Variants in HS6ST1 observed in about 807,000 individuals in gnomAD.
HS6ST1 encodes heparan sulfate 6-O-sulfotransferase 1.
HS6ST1 carries 3 observed loss-of-function variants against 25.2 expected under a neutral mutation model. The ratio of observed to expected loss-of-function variants is 0.12; its 90% CI spans 0.05 to 0.31. HS6ST1 has a LOEUF of 0.31. Ranked by LOEUF, HS6ST1 falls within the 10% of genes least tolerant of loss-of-function variation. The pLI, the probability that HS6ST1 is intolerant of heterozygous loss-of-function variation, is 1.00. For synonymous variants in HS6ST1, 204 were observed against 275.1 expected, an observed-to-expected ratio of 0.74 and a Z score of 2.56; for missense variants, 310 against 609.6, an observed-to-expected ratio of 0.51 and a Z score of 5.18.
intron 1 of HS6ST1, among the ~76,000 whole-genome samples, chr2:128,313,061 T>A (rs1256024478): frequency 6.6e-6 from 1 of 150,974 alleles, no homozygotes; most frequent in Non-Finnish European, 1.5e-5. Flanking sequence ...TGAGACTCCA[T>A]CTCAAAAAAA....
intron 1 of HS6ST1, among the ~76,000 whole-genome samples, chr2:128,288,153 C>G (rs1228315335): frequency 6.6e-6 from 1 of 152,184 alleles, no homozygotes; most frequent in Non-Finnish European, 1.5e-5. Flanking sequence ...CTCTGGGGCT[C>G]ACTCCTTCTG....
chr2:128,287,935 C>T (rs914503215), intron 1 of HS6ST1, among the ~76,000 whole-genome samples: 1 of 152,260 alleles, frequency 6.6e-6, no homozygotes, highest in African/African-American at 2.4e-5. Flanking sequence ...ACCTGCCTGC[C>T]TGGCACTTTC....
At chr2:128,304,316 G>A (rs1694175744) in intron 1 of HS6ST1, among the ~76,000 whole-genome samples, 1 of 152,206 alleles carries the variant, frequency 6.6e-6, no homozygotes, top group Non-Finnish European at 1.5e-5. Flanking sequence ...TCGTCCTCTT[G>A]AAGTGTGTCC....
intron 1 of HS6ST1, among the ~76,000 whole-genome samples, chr2:128,286,331 C>G (rs1417249711): frequency 6.6e-6 from 1 of 152,218 alleles, no homozygotes; most frequent in Admixed American, 6.5e-5. Flanking sequence ...TCCTGCAGGG[C>G]CAGGAACATA....
chr2:128,294,791 A>G (rs1180448262), intron 1 of HS6ST1, among the ~76,000 whole-genome samples: 1 of 151,698 alleles, frequency 6.6e-6, no homozygotes, highest in Non-Finnish European at 1.5e-5. Flanking sequence ...GTGGCCCACA[A>G]GGTACAGGGG....
chr2:128,277,709 T>C (rs909183238), intron 1 of HS6ST1, among the ~76,000 whole-genome samples: 4 of 152,184 alleles, frequency 2.6e-5, no homozygotes, highest in Non-Finnish European at 5.9e-5. Context: ...GTTCACTCTA[T>C]AGGAAAACGA....
chr2:128,268,376 T>C lies in HS6ST1; in HGVS notation c.1022A>G (p.Asn341Ser). The change falls in exon 2 of 2, where the codon AAC becomes AGC. Residue 341 changes from asparagine (N) to serine (S), a missense_variant. Physicochemically the swap from Asn to Ser is conservative, Grantham distance 46 (BLOSUM62 1). Transcript: ENST00000259241. ...EDTIRRIEEL[N>S]DLDMQLYDYA... Reference sequence around the variant, plus strand: ...GTCGTACAGCTGCATGTCCAGGTCGTTGAGCTCCTCGATGCGCCGGATGGT... The same window carrying C: ...GTCGTACAGCTGCATGTCCAGGTCGCTGAGCTCCTCGATGCGCCGGATGGT... The C allele has an allele frequency of 1.2e-6, 2 of 1,613,700 alleles. No individual in the cohort carries two copies. Among genetic ancestry groups the C allele is most frequent in the Non-Finnish European group, 1.7e-6 (2 of 1,179,870 alleles).
intron 1 of HS6ST1, among the ~76,000 whole-genome samples, chr2:128,291,276 C>T (rs923523871): frequency 1.8e-4 from 28 of 152,254 alleles, no homozygotes; most frequent in African/African-American, 6.0e-4. Flanking sequence ...CTCAGACAGC[C>T]GGAGTCCCGG....
intron 1 of HS6ST1, among the ~76,000 whole-genome samples, chr2:128,307,964 C>G (rs1313183142): frequency 6.6e-6 from 1 of 152,194 alleles, no homozygotes; most frequent in Non-Finnish European, 1.5e-5. Context: ...GTCCAGCAGT[C>G]AATGAATTAA....
Position 128,268,485 on chromosome 2 carries a change from C to T in HS6ST1, c.913G>A (p.Glu305Lys). The part of the protein sequence containing the change: ...EFQRKTQYLF[E>K]RTFNLKFIRP... ...ATGAACTTGAGGTTGAACGTCCGCT[C>T]GAACAGGTACTGCGTCTTGCGCTGG... The change falls in exon 2 of 2, where the codon GAG (glutamate) becomes AAG (lysine). Residue 305 changes from glutamate to lysine, a missense_variant. Glu to Lys is a moderately conservative substitution (Grantham distance 56, BLOSUM62 1). Around this residue, in one of 5 missense-constraint regions of HS6ST1, gnomAD observed 140 missense variants for 176.5 expected, o/e 0.79. Transcript: ENST00000259241. 1.2e-6 allele frequency: 2 copies of T among 1,612,826 alleles called. No homozygotes were observed. Among genetic ancestry groups the T allele is most frequent in the South Asian group, 1.1e-5 (1 of 90,986 alleles).
chr2:128,284,112 G>A (rs1029533333), intron 1 of HS6ST1, among the ~76,000 whole-genome samples: 3 of 151,850 alleles, frequency 2.0e-5, no homozygotes, highest in African/African-American at 7.3e-5. Flanking sequence ...TGCCGGCCCT[G>A]TTCCCGGGGG....
intron 1 of HS6ST1, among the ~76,000 whole-genome samples, chr2:128,303,412 A>T (rs143599956): frequency 6.6e-6 from 1 of 152,366 alleles, no homozygotes; most frequent in African/African-American, 2.4e-5. Flanking sequence ...GCTTGAGAAC[A>T]AGTTCTAGAA....
rs1693532794 is a variant in HS6ST1, at chr2:128,267,218, C to T, written c.*944G>A. The T allele has an allele frequency of 6.6e-6, 1 of 152,108 alleles. No individual in the cohort carries two copies. The highest frequency in any genetic ancestry group is 6.5e-5 in the Admixed American group (1 of 15,280). The allele number at this position is 152,108 out of a possible 1,614,324, so 9.4% of individuals were successfully genotyped here. Reference sequence around the variant, plus strand: ...TTGAGTATGTGTTTCGGTGATGGGGCTGGGGCAGCCTGCTAGCAAATCCCA... The same window carrying T: ...TTGAGTATGTGTTTCGGTGATGGGGTTGGGGCAGCCTGCTAGCAAATCCCA... On this transcript the variant is annotated 3_prime_UTR_variant, in exon 2 of 2. Coordinates refer to ENST00000259241, the MANE Select transcript of HS6ST1 (RefSeq NM_004807.3).
chr2:128,299,827 G>A (rs148316008), intron 1 of HS6ST1, among the ~76,000 whole-genome samples: 1,578 of 152,304 alleles, frequency 0.01, 10 homozygotes, highest in Non-Finnish European at 0.017. Flanking sequence ...TCTGCCAGGC[G>A]GAGGCTGGGG....
intron 1 of HS6ST1, among the ~76,000 whole-genome samples, chr2:128,307,128 C>T (rs775754731): frequency 6.6e-6 from 1 of 152,092 alleles, no homozygotes; most frequent in Non-Finnish European, 1.5e-5. Flanking sequence ...AAAGGGACTC[C>T]AACACATGCG....
chr2:128,283,123 CT>C (rs2104918979), intron 1 of HS6ST1, among the ~76,000 whole-genome samples: 1 of 152,352 alleles, frequency 6.6e-6, no homozygotes, highest in Admixed American at 6.5e-5. Context: ...CAGGCCACCC[CT>C]GCGAGCCCAC....
intron 1 of HS6ST1, among the ~76,000 whole-genome samples, chr2:128,278,571 G>A (rs1455615350): frequency 2.6e-5 from 4 of 152,218 alleles, no homozygotes; most frequent in African/African-American, 9.7e-5. Context: ...GCAGGCGGAG[G>A]CCGACGGCAG....
chr2:128,297,500 A>G (rs1694057371), intron 1 of HS6ST1, among the ~76,000 whole-genome samples: 1 of 152,218 alleles, frequency 6.6e-6, no homozygotes, highest in Non-Finnish European at 1.5e-5. Flanking sequence ...CAGGTAACAA[A>G]AGAAAAGCTA....
chr2:128,278,187 C>G (rs1558870143), intron 1 of HS6ST1, among the ~76,000 whole-genome samples: 1 of 152,378 alleles, frequency 6.6e-6, no homozygotes, highest in East Asian at 1.9e-4. Flanking sequence ...CCAGGCCGGG[C>G]ACTGCAGCCC....
Sources: gnomAD v4.1 joint callset for allele counts (sites outside exome capture counted in the v4.1 genomes callset) on GRCh38, gnomAD v4.1.1 for gene constraint, gnomAD v4.1.1 regional missense constraint, MANE v1.5 for transcripts, NCBI Gene and HGNC (gene_info 2026-07-23, HGNC 2026-07-21) for gene names.